Variants in DAOA observed in about 807,000 individuals in gnomAD.
The protein encoded by DAOA is D-amino acid oxidase activator, also known as D-amino acid oxidase regulator.
In DAOA, 15 loss-of-function variants were observed where a neutral mutation model predicts 16.4. The observed-to-expected ratio is 0.91, with a 90% CI of 0.61 to 1.41. The LOEUF is 1.41. Among genes scored for constraint, DAOA ranks in the 40% most tolerant of loss-of-function variants. DAOA has a pLI of 0.00. For missense variants in DAOA, 230 were observed against 176.8 expected (o/e 1.30, Z -1.71); for synonymous variants, 75 against 59.1 (o/e 1.27, Z -1.23).
At chr13:105,468,199 C>T (rs934383978) in intron 3 of DAOA, among the ~76,000 whole-genome samples, 3 of 152,216 alleles carry the variant, frequency 2.0e-5, no homozygotes, top group Non-Finnish European at 2.9e-5. Context: ...ACCGAGGTCA[C>T]TCTCCACCTC....
At chr13:105,476,241 A>G (rs914831246) in intron 4 of DAOA, among the ~76,000 whole-genome samples, 31 of 152,132 alleles carry the variant, frequency 2.0e-4, no homozygotes, top group African/African-American at 7.0e-4. Context: ...TTGTCTAGAA[A>G]TTAGCCTGGG....
At chr13:105,483,202 C>T (rs987296951) in intron 4 of DAOA, among the ~76,000 whole-genome samples, 138 of 152,240 alleles carry the variant, frequency 9.1e-4, no homozygotes, top group African/African-American at 3.2e-3. Flanking sequence ...GTCTCATCTT[C>T]GTTGAGTCGT....
chr13:105,469,843 C>T (rs1270984930), intron 3 of DAOA, among the ~76,000 whole-genome samples: 1 of 152,090 alleles, frequency 6.6e-6, no homozygotes, highest in African/African-American at 2.4e-5. Context: ...ATCATATTTC[C>T]AAACTTTCCA....
At chr13:105,483,877 T>A (rs1877925955) in intron 4 of DAOA, among the ~76,000 whole-genome samples, 1 of 152,252 alleles carries the variant, frequency 6.6e-6, no homozygotes, top group Non-Finnish European at 1.5e-5. Flanking sequence ...GATTGTTTAA[T>A]TTTTATGAAG....
chr13:105,482,162 T>C (rs1216876676), intron 4 of DAOA, among the ~76,000 whole-genome samples: 1 of 152,140 alleles, frequency 6.6e-6, no homozygotes, highest in Non-Finnish European at 1.5e-5. Flanking sequence ...GTCCCTCCCA[T>C]GATACGTGGG....
chr13:105,482,975 C>T (rs1877857546), intron 4 of DAOA, among the ~76,000 whole-genome samples: 1 of 152,012 alleles, frequency 6.6e-6, no homozygotes, highest in Non-Finnish European at 1.5e-5. Flanking sequence ...TAATGTTTAC[C>T]ACAAACCTAT....
chr13:105,469,503 A>G (rs543189785), intron 3 of DAOA, among the ~76,000 whole-genome samples: 1 of 152,340 alleles, frequency 6.6e-6, no homozygotes, highest in South Asian at 2.1e-4. Flanking sequence ...AACATTTCTG[A>G]CACATAGATG....
At chr13:105,478,324 A>G (rs1877486050) in intron 4 of DAOA, among the ~76,000 whole-genome samples, 1 of 152,222 alleles carries the variant, frequency 6.6e-6, no homozygotes, top group African/African-American at 2.4e-5. Flanking sequence ...ACTGGTCTGT[A>G]CAGAAGCTTC....
chr13:105,477,326 C>T (rs1255801301), intron 4 of DAOA: 1 of 152,180 alleles, frequency 6.6e-6, no homozygotes, highest in Non-Finnish European at 1.5e-5. Flanking sequence ...TATACTTCCT[C>T]CGGTGCAGAT....
At chr13:105,488,884 G>T (rs994733910) in intron 4 of DAOA, among the ~76,000 whole-genome samples, 1 of 152,116 alleles carries the variant, frequency 6.6e-6, no homozygotes, top group Non-Finnish European at 1.5e-5. Flanking sequence ...AATCAACATG[G>T]CTTGACTGTT....
At chr13:105,475,440 C>T (rs986972909) in intron 4 of DAOA, among the ~76,000 whole-genome samples, 1 of 152,094 alleles carries the variant, frequency 6.6e-6, no homozygotes, top group Non-Finnish European at 1.5e-5. Context: ...GGATCTTTCC[C>T]TTAGGAACAC....
chr13:105,487,289 C>CT (rs1170865170), intron 4 of DAOA, among the ~76,000 whole-genome samples: 1 of 152,154 alleles, frequency 6.6e-6, no homozygotes, highest in African/African-American at 2.4e-5. Context: ...CTTCCCCAGG[C>CT]TTTTGCTGTT....
At chr13:105,479,514 G>T (rs1033765206) in intron 4 of DAOA, among the ~76,000 whole-genome samples, 9 of 152,166 alleles carry the variant, frequency 5.9e-5, no homozygotes, top group African/African-American at 2.2e-4. Flanking sequence ...TCTGTGCCAG[G>T]CTTCTCTCCG....
rs1444910924 is a variant in DAOA at position 105,487,804 on chromosome 13, C to A, written c.282-2097C>A. Among the ~76,000 whole-genome samples, 7 of 152,246 alleles carry A rather than the reference C, an allele frequency of 4.6e-5. No homozygotes were observed. In the East Asian group the frequency reaches 1.2e-3, roughly 25 times the overall value. On this transcript the variant is annotated intron_variant, in intron 4 of 5. Transcript: ENST00000375936. ...AAAATATTTATAGAAAATTGATCAT[C>A]AAAGTCCTGTTTCTATAATTGCCTG...
rs533074111 is a variant in DAOA, at chr13:105,473,931, T to C, written c.281+1246T>C. Among the ~76,000 whole-genome samples, 4 of 152,224 alleles carry C rather than the reference T, an allele frequency of 2.6e-5. No individual in the cohort carries two copies. In the East Asian group the frequency reaches 7.7e-4, roughly 29 times the overall value. On this transcript the variant is annotated intron_variant, in intron 4 of 5. Coordinates refer to ENST00000375936, the MANE Select transcript of DAOA (RefSeq NM_172370.5). Reference sequence around the variant, plus strand: ...ATTATTCAACTTCCTTATCAAACTTTCCTTTGGAACAAGGAATTAGGCAAG... The same window carrying C: ...ATTATTCAACTTCCTTATCAAACTTCCCTTTGGAACAAGGAATTAGGCAAG...
chr13:105,476,284 T>C (rs1279791854), intron 4 of DAOA, among the ~76,000 whole-genome samples: 1 of 152,110 alleles, frequency 6.6e-6, no homozygotes, highest in East Asian at 1.9e-4. Context: ...TCACTTTTTT[T>C]CCTTCTCCCT....
intron 3 of DAOA, among the ~76,000 whole-genome samples, chr13:105,469,589 G>T (rs935995847): frequency 2.6e-5 from 4 of 152,144 alleles, no homozygotes; most frequent in African/African-American, 9.7e-5. Context: ...CCTTCACATC[G>T]TTGTGAGAGT....
chr13:105,489,547 T>C (rs1878360167), intron 4 of DAOA, among the ~76,000 whole-genome samples: 1 of 152,214 alleles, frequency 6.6e-6, no homozygotes, highest in Non-Finnish European at 1.5e-5. Context: ...AGTAAAGTCA[T>C]ACAAACCCAT....
At chr13:105,466,643 C>T (rs1027304400) in intron 2 of DAOA, among the ~76,000 whole-genome samples, 1 of 152,142 alleles carries the variant, frequency 6.6e-6, no homozygotes, top group African/African-American at 2.4e-5. Context: ...TTATAAACCA[C>T]CTCCCCCTCA....
Sources: allele counts gnomAD v4.1 joint callset (sites outside exome capture counted in the v4.1 genomes callset), GRCh38; gene constraint gnomAD v4.1.1; transcripts MANE v1.5; gene names NCBI Gene and HGNC (gene_info 2026-07-23, HGNC 2026-07-21).